PASD1: variants seen among roughly 807,000 people sequenced by gnomAD.
The protein encoded by PASD1 is circadian clock protein PASD1.
A neutral mutation model predicts 58.8 loss-of-function variants in PASD1; 13 were observed. The observed-to-expected ratio is 0.22, with a 90% confidence interval of 0.14 to 0.35. The LOEUF (loss-of-function observed/expected upper bound fraction) is 0.35. Ranked by LOEUF, PASD1 falls within the 10% of genes least tolerant of loss-of-function variation. The pLI is 1.00. For missense variants in PASD1, 734 were observed against 568.3 expected, an observed-to-expected ratio of 1.29 and a Z score of -2.96; for synonymous variants, 236 against 216.7, an observed-to-expected ratio of 1.09 and a Z score of -0.78.
In PASD1 at chrX:151,648,645, C is replaced by G; in HGVS notation, c.660C>G (p.Ser220Arg). 1.7e-6 allele frequency: 2 copies of G among 1,211,420 alleles called. No homozygotes were observed. The highest frequency in any genetic ancestry group is 1.1e-6 in the Non-Finnish European group (1 of 895,292). Residue 220 changes from serine (S) to arginine (R), a missense_variant, in exon 9 of 16, where the codon AGC (serine) becomes AGG (arginine). Transcript: ENST00000370357. ...CTCAAGGTCAAAGAGGACACACTAG[C>G]ATGAAAGCCGTGTACGTTGAACCCG... Reference protein sequence around the residue: ...SSSQGQRGHTSMKAVYVEPAA... With the variant: ...SSSQGQRGHTRMKAVYVEPAA...
In PASD1 at chrX:151,672,279, CAGA is replaced by C. The variant is rs781411666; in HGVS notation, c.1541_1543del (p.Lys514del). ...GAGAGAGCAAAGGAAGGTGCAGAAG[CAGA>C]AGAAGATGCAGGAGAAGAAGAAGCT... On this transcript the variant is annotated inframe_deletion, in exon 14 of 16. Transcript: ENST00000370357. 14 of 1,167,534 alleles carry C rather than the reference CAGA, an allele frequency of 1.2e-5. No homozygotes were observed. The highest frequency in any genetic ancestry group is 7.6e-5 in the South Asian group (4 of 52,747).
chrX:151,620,682 T>G (rs1415511510), intron 4 of PASD1, among the ~76,000 whole-genome samples: 1 of 110,592 alleles, frequency 9.0e-6, no homozygotes, highest in Non-Finnish European at 1.9e-5. Flanking sequence ...AGAGTCAAAA[T>G]TTTCCCAGGC....
intron 1 of PASD1, among the ~76,000 whole-genome samples, chrX:151,571,804 C>G (rs2012931607): frequency 1.8e-5 from 2 of 112,177 alleles, no homozygotes; most frequent in East Asian, 2.8e-4. Flanking sequence ...TGCCCCAGGC[C>G]CATAACAGTA....
chrX:151,601,840 T>A (rs992948207), intron 2 of PASD1, among the ~76,000 whole-genome samples: 2 of 112,302 alleles, frequency 1.8e-5, no homozygotes, highest in African/African-American at 6.5e-5. Context: ...GAGCTGACTC[T>A]AAGGGTTGTC....
rs938589407 is a variant in PASD1, at chrX:151,637,989, A to G, written c.630-10626A>G. Among the ~76,000 whole-genome samples, 4 of 111,754 alleles carry G rather than the reference A, an allele frequency of 3.6e-5. No individual in the cohort carries two copies. The East Asian group carries it at 8.4e-4, about 23-fold the overall frequency. ...GCCTTTAATCTTTGCAACATCCTGC[A>G]AACATTGTTCTAATATTAATTTTGC... On this transcript the variant is annotated intron_variant, in intron 8 of 15. Transcript: ENST00000370357.
At chrX:151,591,686 G>A (rs1487784335) in intron 1 of PASD1, among the ~76,000 whole-genome samples, 3 of 111,534 alleles carry the variant, frequency 2.7e-5, no homozygotes, top group Admixed American at 9.6e-5. Flanking sequence ...AAGGTGCAAA[G>A]TCCATTAGCA....
intron 10 of PASD1, among the ~76,000 whole-genome samples, chrX:151,660,048 A>G (rs889516215): frequency 8.9e-6 from 1 of 112,258 alleles, no homozygotes; most frequent in Non-Finnish European, 1.9e-5. Flanking sequence ...CTTTTCTCCT[A>G]TTTAATTTTA....
chrX:151,577,205 C>T (rs1056441120), intron 1 of PASD1, among the ~76,000 whole-genome samples: 1 of 111,836 alleles, frequency 8.9e-6, no homozygotes, highest in Non-Finnish European at 1.9e-5. Flanking sequence ...ATGAGATTTA[C>T]ATTTCTGTTA....
intron 8 of PASD1, among the ~76,000 whole-genome samples, chrX:151,629,335 G>A (rs2124278566): frequency 9.0e-6 from 1 of 110,858 alleles, no homozygotes; most frequent in East Asian, 2.9e-4. Flanking sequence ...GGTCAGGCTG[G>A]TCTCGAACTC....
chrX:151,578,183 T>G (rs2013038500), intron 1 of PASD1: 1 of 112,336 alleles, frequency 8.9e-6, no homozygotes, highest in Non-Finnish European at 1.9e-5. Flanking sequence ...TGAGATGTCT[T>G]GTGTCAAGAA....
At chrX:151,571,571 A>G (rs1340659328) in intron 1 of PASD1, among the ~76,000 whole-genome samples, 1 of 112,181 alleles carries the variant, frequency 8.9e-6, no homozygotes, top group Admixed American at 9.5e-5. Flanking sequence ...GGATTCCCCA[A>G]GCTGAAAGAG....
At chrX:151,634,340 A>G (rs972032861) in intron 8 of PASD1, among the ~76,000 whole-genome samples, 2 of 110,759 alleles carry the variant, frequency 1.8e-5, no homozygotes, top group South Asian at 3.9e-4. Context: ...ATACACCTCT[A>G]TTTCTCAAAT....
At chrX:151,661,887 C>G (rs1056317081) in intron 10 of PASD1, among the ~76,000 whole-genome samples, 13 of 111,983 alleles carry the variant, frequency 1.2e-4, no homozygotes, top group Admixed American at 8.5e-4. Context: ...GGAAGAATAC[C>G]ACAGATGTGA....
intron 4 of PASD1, among the ~76,000 whole-genome samples, chrX:151,619,224 C>T (rs2013674454): frequency 9.0e-6 from 1 of 111,508 alleles, no homozygotes; most frequent in African/African-American, 3.3e-5. Context: ...AGATAAAAGG[C>T]AAGTCAAGGA....
At chrX:151,668,550 C>G (rs1185138797) in intron 11 of PASD1, among the ~76,000 whole-genome samples, 1 of 111,173 alleles carries the variant, frequency 9.0e-6, no homozygotes, top group African/African-American at 3.3e-5. Context: ...CACAGAAATA[C>G]AAACTACCAT....
chrX:151,569,141 C>T (rs918754539), intron 1 of PASD1, among the ~76,000 whole-genome samples: 1 of 111,483 alleles, frequency 9.0e-6, no homozygotes, highest in Non-Finnish European at 1.9e-5. Flanking sequence ...AACTTTAGGT[C>T]TCCCAGTTGG....
chrX:151,650,258 C>A (rs2014113692), intron 9 of PASD1, among the ~76,000 whole-genome samples: 1 of 111,226 alleles, frequency 9.0e-6, no homozygotes, highest in South Asian at 3.8e-4. Flanking sequence ...TTATACTGTA[C>A]TGTGTGTGAA....
chrX:151,672,398 G>A lies in PASD1; in HGVS notation c.1653G>A (p.Gly551=), dbSNP rs1183788150. The change falls in exon 14 of 16, where the codon GGG becomes GGA. Residue 551 remains glycine, a synonymous_variant. Coordinates refer to ENST00000370357, the MANE Select transcript of PASD1 (RefSeq NM_173493.3). The stretch of plus-strand genomic sequence containing the variant: ...TACAGGAGCGGAAGAAGTGGCAGGG[G>A]CAGATGCTACAGAAAGAGCCAGAGG... ...KKLQERKKWQ[G]QMLQKEPEEE... is the part of the protein sequence containing the mutation. 1 of 1,207,985 alleles carries A rather than the reference G, an allele frequency of 8.3e-7. No individual in the cohort carries two copies. The highest frequency in any genetic ancestry group is 1.1e-6 in the Non-Finnish European group (1 of 894,158).
chrX:151,613,068 A>G (rs1038740842), intron 4 of PASD1, among the ~76,000 whole-genome samples: 1 of 112,209 alleles, frequency 8.9e-6, no homozygotes, highest in Non-Finnish European at 1.9e-5. Context: ...CATTTGTTAA[A>G]TAGAGAATCC....
Sources: gnomAD v4.1 joint callset for allele counts (sites outside exome capture counted in the v4.1 genomes callset) on GRCh38, gnomAD v4.1.1 for gene constraint, MANE v1.5 for transcripts, NCBI Gene and HGNC (gene_info 2026-07-23, HGNC 2026-07-21) for gene names.